Variants in TAFA1 observed in about 807,000 individuals in gnomAD.
TAFA1 encodes TAFA chemokine like family member 1.
In TAFA1, 4 loss-of-function variants were observed where a neutral mutation model predicts 18.5. The ratio of observed to expected loss-of-function variants is 0.22; its 90% CI spans 0.11 to 0.49. The LOEUF (loss-of-function observed/expected upper bound fraction) is 0.49, where lower values mean the gene tolerates loss of function less well. Among genes scored for constraint, TAFA1 ranks in the 20% least tolerant of loss-of-function variants. TAFA1 has a pLI of 0.98. For synonymous variants in TAFA1, 56 were observed against 55.2 expected, an observed-to-expected ratio of 1.01 and a Z score of -0.06; for missense variants, 147 against 169.0, an observed-to-expected ratio of 0.87 and a Z score of 0.72.
chr3:68,139,446 A>G (rs990224470), intron 2 of TAFA1, among the ~76,000 whole-genome samples: 1 of 152,172 alleles, frequency 6.6e-6, no homozygotes, highest in African/African-American at 2.4e-5. Context: ...AACAAGTAAC[A>G]TTATGGGGAA....
chr3:68,133,565 C>T (rs1404489061), intron 2 of TAFA1, among the ~76,000 whole-genome samples: 2 of 152,068 alleles, frequency 1.3e-5, no homozygotes, highest in Non-Finnish European at 2.9e-5. Flanking sequence ...TGTAGTTCTC[C>T]TTGAAGAGGT....
chr3:68,505,716 G>T (rs1339536950), intron 3 of TAFA1, among the ~76,000 whole-genome samples: 4 of 151,968 alleles, frequency 2.6e-5, no homozygotes, highest in Admixed American at 6.6e-5. Context: ...CATCCTAGAA[G>T]CTACTTGCAA....
chr3:68,393,182 C>T (rs7642781), intron 2 of TAFA1, among the ~76,000 whole-genome samples: 70,746 of 151,598 alleles, frequency 0.47, 17,007 homozygotes, highest in Non-Finnish European at 0.49. Flanking sequence ...ATATCACCAC[C>T]GATCCCACAG....
chr3:68,271,571 T>C (rs751307138), intron 2 of TAFA1, among the ~76,000 whole-genome samples: 13 of 152,156 alleles, frequency 8.5e-5, no homozygotes, highest in Non-Finnish European at 1.5e-4. Flanking sequence ...ACGTTCCTTA[T>C]AGAAACTTGG....
chr3:68,370,377 T>C (rs1358717527), intron 2 of TAFA1, among the ~76,000 whole-genome samples: 10 of 78,442 alleles, frequency 1.3e-4, no homozygotes, highest in Non-Finnish European at 1.6e-4. Context: ...CATATATATA[T>C]ACACATATAT....
intron 2 of TAFA1, among the ~76,000 whole-genome samples, chr3:68,409,584 T>G (rs1035799684): frequency 6.6e-6 from 1 of 152,182 alleles, no homozygotes; most frequent in Admixed American, 6.6e-5. Flanking sequence ...TGCAGAACTG[T>G]GAGTCAGTTA....
chr3:68,353,858 A>G (rs2069315027), intron 2 of TAFA1, among the ~76,000 whole-genome samples: 1 of 152,054 alleles, frequency 6.6e-6, no homozygotes, highest in Non-Finnish European at 1.5e-5. Flanking sequence ...TATAATTCCC[A>G]AATTAATCAA....
intron 2 of TAFA1, among the ~76,000 whole-genome samples, chr3:68,173,847 G>A (rs1359690720): frequency 6.6e-6 from 1 of 151,866 alleles, no homozygotes; most frequent in Non-Finnish European, 1.5e-5. Context: ...TTTTGAAACA[G>A]CAGTAGAACT....
chr3:68,487,411 G>T (rs534979123), intron 3 of TAFA1, among the ~76,000 whole-genome samples: 1 of 152,100 alleles, frequency 6.6e-6, no homozygotes, highest in Non-Finnish European at 1.5e-5. Context: ...TCGCATATTT[G>T]TAAAGATGGA....
intron 2 of TAFA1, among the ~76,000 whole-genome samples, chr3:68,184,736 A>G (rs2066249639): frequency 6.6e-6 from 1 of 152,124 alleles, no homozygotes; most frequent in African/African-American, 2.4e-5. Context: ...GCTCTAGAGA[A>G]AGAAAGATAT....
At chr3:68,544,005 T>A (rs1264606079) in intron 4 of TAFA1, among the ~76,000 whole-genome samples, 1 of 152,086 alleles carries the variant, frequency 6.6e-6, no homozygotes, top group Non-Finnish European at 1.5e-5. Flanking sequence ...CACAAGACCA[T>A]GGAATAACTT....
chr3:68,091,462 G>T (rs2065029052), intron 2 of TAFA1, among the ~76,000 whole-genome samples: 1 of 152,022 alleles, frequency 6.6e-6, no homozygotes, highest in Admixed American at 6.6e-5. Flanking sequence ...TCTGACTTGA[G>T]ACCTTCCAAG....
At chr3:68,146,435 C>A (rs765826851) in intron 2 of TAFA1, among the ~76,000 whole-genome samples, 11 of 152,168 alleles carry the variant, frequency 7.2e-5, no homozygotes, top group Non-Finnish European at 1.2e-4. Flanking sequence ...CCTCTCCCAG[C>A]GTTCAGAGGC....
chr3:68,227,376 T>G (rs1193190445), intron 2 of TAFA1, among the ~76,000 whole-genome samples: 2 of 152,170 alleles, frequency 1.3e-5, no homozygotes, highest in Non-Finnish European at 2.9e-5. Flanking sequence ...TGGGCTGTGT[T>G]GAGAACATTA....
intron 2 of TAFA1, among the ~76,000 whole-genome samples, chr3:68,122,102 A>C (rs1475152695): frequency 1.3e-5 from 2 of 152,106 alleles, no homozygotes; most frequent in African/African-American, 4.8e-5. Flanking sequence ...TGGAGGTCTG[A>C]ATCTGGGATT....
intron 2 of TAFA1, among the ~76,000 whole-genome samples, chr3:68,120,175 T>G (rs1441279738): frequency 5.8e-5 from 1 of 17,122 alleles, no homozygotes; most frequent in South Asian, 4.2e-3. Flanking sequence ...TTCTTTCTCT[T>G]TCTTTCTTTC....
At chr3:68,046,341 T>A (rs1705267476) in intron 2 of TAFA1, among the ~76,000 whole-genome samples, 3 of 152,170 alleles carry the variant, frequency 2.0e-5, no homozygotes, top group Admixed American at 2.0e-4. Flanking sequence ...AGCAAAGACA[T>A]AGTTAACCGA....
At chr3:68,355,486 G>A (rs1381493201) in intron 2 of TAFA1, among the ~76,000 whole-genome samples, 1 of 151,924 alleles carries the variant, frequency 6.6e-6, no homozygotes, top group Admixed American at 6.6e-5. Flanking sequence ...ACTAATATAT[G>A]TGAAGGGCTT....
At chr3:68,458,105 C>T (rs2071700004) in intron 3 of TAFA1, among the ~76,000 whole-genome samples, 1 of 152,118 alleles carries the variant, frequency 6.6e-6, no homozygotes, top group Admixed American at 6.5e-5. Context: ...GTCACTGGAT[C>T]ATGGAGGTGG....
Sources: allele counts gnomAD v4.1 joint callset (sites outside exome capture counted in the v4.1 genomes callset), GRCh38; gene constraint gnomAD v4.1.1; transcripts MANE v1.5; gene names NCBI Gene and HGNC (gene_info 2026-07-23, HGNC 2026-07-21).